ELMOD3: variants seen among roughly 807,000 people sequenced by gnomAD.
The protein encoded by ELMOD3 is ELMO domain-containing protein 3.
A neutral mutation model predicts 47.4 loss-of-function variants in ELMOD3; 36 were observed. That is an observed-to-expected ratio of 0.76 (90% CI 0.58 to 1.00). The LOEUF (loss-of-function observed/expected upper bound fraction) is 1.00. Among genes scored for constraint, ELMOD3 ranks in the 50% least tolerant of loss-of-function variants. The pLI, the probability that ELMOD3 is intolerant of heterozygous loss-of-function variation, is 0.00. For synonymous variants in ELMOD3, 149 were observed against 183.5 expected (o/e 0.81, Z 1.52); for missense variants, 404 against 463.8 (o/e 0.87, Z 1.18).
rs1347837140 is a variant in ELMOD3 at position 85,362,198 on chromosome 2, T to A, written c.67T>A (p.Ser23Thr). 43 of 1,597,878 alleles carry A rather than the reference T, an allele frequency of 2.7e-5. No individual in the cohort carries two copies. The highest frequency in any genetic ancestry group is 3.7e-5 in the Non-Finnish European group (43 of 1,165,266). The change falls in exon 5 of 14, where the codon TCT (serine) becomes ACT (threonine). Residue 23 changes from serine to threonine, a missense_variant. Transcript: ENST00000409013. ...GTCTGTTTTACAGGGTGAAAGATTGTCTGCTGGATATTCTCCATCATATGA... is the reference window on the plus strand; with the variant it reads ...GTCTGTTTTACAGGGTGAAAGATTGACTGCTGGATATTCTCCATCATATGA... ...ELRDGQGERLSAGYSPSYDKD... is the reference protein window; with the variant it reads ...ELRDGQGERLTAGYSPSYDKD...
At chr2:85,357,564 C>T (rs928060554) in intron 4 of ELMOD3, 16 of 213,104 alleles carry the variant, frequency 7.5e-5, no homozygotes, top group Admixed American at 1.7e-4. Context: ...CCCTGTGAAA[C>T]GCTTGCTTTG....
At chr2:85,358,287 A>AG (rs1328408376) in intron 4 of ELMOD3, among the ~76,000 whole-genome samples, 4 of 151,780 alleles carry the variant, frequency 2.6e-5, no homozygotes, top group Non-Finnish European at 5.9e-5. Flanking sequence ...TCCAAAAAAA[A>AG]AAAAAAAAAA....
At chr2:85,364,410 C>G (rs1684202619) in intron 6 of ELMOD3, among the ~76,000 whole-genome samples, 1 of 151,828 alleles carries the variant, frequency 6.6e-6, no homozygotes, top group African/African-American at 2.4e-5. Flanking sequence ...ATAGTTAAAC[C>G]CCGTCTCTAG....
chr2:85,359,660 C>T (rs1163907253), intron 4 of ELMOD3, among the ~76,000 whole-genome samples: 1 of 152,002 alleles, frequency 6.6e-6, no homozygotes, highest in East Asian at 1.9e-4. Flanking sequence ...GAACTCCAGA[C>T]CTCAGGTGAT....
chr2:85,359,174 T>C (rs1056891319), intron 4 of ELMOD3, among the ~76,000 whole-genome samples: 1 of 152,194 alleles, frequency 6.6e-6, no homozygotes, highest in Non-Finnish European at 1.5e-5. Flanking sequence ...ACTATAAATG[T>C]AAACATGTCG....
intron 11 of ELMOD3, among the ~76,000 whole-genome samples, chr2:85,388,465 G>A (rs1686089031): frequency 1.3e-5 from 2 of 152,180 alleles, no homozygotes; most frequent in South Asian, 4.1e-4. Flanking sequence ...CAAAGTTTAT[G>A]TCCTTTTTGA....
intron 7 of ELMOD3, among the ~76,000 whole-genome samples, chr2:85,369,418 T>C (rs916496691): frequency 2.6e-5 from 4 of 152,208 alleles, no homozygotes; most frequent in Non-Finnish European, 4.4e-5. Context: ...ACTGGTTGCA[T>C]GCTCTTATGT....
chr2:85,371,264 C>G, intron 9 of ELMOD3, 55 bp downstream of exon 9: 1 of 1,613,788 alleles, frequency 6.2e-7, no homozygotes, highest in East Asian at 2.2e-5. Context: ...TGGGCAAGAC[C>G]GTGTGTGCTG....
At chr2:85,373,378 T>A (rs1684939735) in intron 10 of ELMOD3, among the ~76,000 whole-genome samples, 1 of 152,222 alleles carries the variant, frequency 6.6e-6, no homozygotes, top group African/African-American at 2.4e-5. Flanking sequence ...CTTAAATGTA[T>A]CCTCTCTATA....
At chr2:85,364,411 C>T (rs951433893) in intron 6 of ELMOD3, among the ~76,000 whole-genome samples, 3 of 151,862 alleles carry the variant, frequency 2.0e-5, no homozygotes, top group East Asian at 3.9e-4. Context: ...TAGTTAAACC[C>T]CGTCTCTAGT....
At chr2:85,360,200 A>G (rs981148404) in intron 4 of ELMOD3, among the ~76,000 whole-genome samples, 1 of 137,134 alleles carries the variant, frequency 7.3e-6, no homozygotes, top group Admixed American at 7.6e-5. Context: ...TGGGAGGCAT[A>G]GGTTGAGGTG....
intron 7 of ELMOD3, 56 bp from the exon 8 acceptor site, chr2:85,369,683 T>C: frequency 6.3e-7 from 1 of 1,581,880 alleles, no homozygotes; most frequent in South Asian, 1.1e-5. Flanking sequence ...CCTCAGTAAA[T>C]GTTTGTTGAC....
chr2:85,365,384 T>A (rs188170392), intron 6 of ELMOD3, among the ~76,000 whole-genome samples: 19 of 151,078 alleles, frequency 1.3e-4, no homozygotes, highest in African/African-American at 4.1e-4. Context: ...TAAAAATAAA[T>A]GTAAAAGAGA....
At position 85,374,849 on chromosome 2, in the gene ELMOD3, T is replaced by TG. The variant is rs200614623; in HGVS notation, c.608-2495_608-2494insG. ...TTTGCTGGCCGGGCGCGGTGGCTCA[T>TG]CCTGTAATCCCAGCATTTTGGGAGG... On this transcript the variant is annotated intron_variant, in intron 10 of 13. Transcript: ENST00000409013. Among the ~76,000 whole-genome samples, 1,124 of 151,836 alleles carry TG rather than the reference T, an allele frequency of 7.4e-3. 15 individuals carry two copies. Among genetic ancestry groups the TG allele is most frequent in the East Asian group, 0.061 (312 of 5,110 alleles).
At chr2:85,370,112 A>G (rs139161413) in intron 8 of ELMOD3, among the ~76,000 whole-genome samples, 4 of 152,324 alleles carry the variant, frequency 2.6e-5, no homozygotes, top group Non-Finnish European at 4.4e-5. Flanking sequence ...AGTACTAGGT[A>G]GATCCTTGCA....
In ELMOD3 at chr2:85,391,002, G is replaced by A. The variant is rs560972123; in HGVS notation, c.*40G>A. Reference sequence around the variant, plus strand: ...GGAGGCTTAAAGGCTGAGCTGCAGGGGCTTTCAGGGGGTCAGTGGAGCCAT... The same window carrying A: ...GGAGGCTTAAAGGCTGAGCTGCAGGAGCTTTCAGGGGGTCAGTGGAGCCAT... On this transcript the variant is annotated 3_prime_UTR_variant, in exon 14 of 14. Coordinates refer to ENST00000409013, the MANE Select transcript of ELMOD3 (RefSeq NM_001135022.2). The A allele has an allele frequency of 9.4e-5, 144 of 1,527,814 alleles. No homozygotes were observed. The highest frequency in any genetic ancestry group is 1.2e-4 in the Non-Finnish European group (138 of 1,130,278). 94.6% of individuals were successfully genotyped at this position (1,527,814 alleles called of 1,614,324 possible).
At chr2:85,367,765 ATTG>A (rs1464696207) in intron 6 of ELMOD3, 1 of 152,222 alleles carries the variant, frequency 6.6e-6, no homozygotes, top group Admixed American at 6.5e-5. Context: ...AAGTCAAACA[ATTG>A]TTAAGTGGAA....
rs1440337080 is a variant in ELMOD3 at position 85,389,816 on chromosome 2, G to A, written c.804G>A (p.Glu268=). ...THIAIQALRE[E]CLSRECNRQQ... ...TTGCCATCCAGGCCTTGAGAGAGGA[G>A]TGTCTCTCCAGGTGAGTCCCCAAAC... The change falls in exon 12 of 14, where the codon GAG becomes GAA. Residue 268 remains glutamate (E), a synonymous_variant. Coordinates refer to ENST00000409013, the MANE Select transcript of ELMOD3 (RefSeq NM_001135022.2). 6.2e-7 allele frequency: 1 copy of A among 1,613,318 alleles called. No homozygotes were observed. Among genetic ancestry groups the A allele is most frequent in the East Asian group, 2.2e-5 (1 of 44,872 alleles).
chr2:85,370,146 A>G (rs1490279602), intron 8 of ELMOD3, among the ~76,000 whole-genome samples: 3 of 152,168 alleles, frequency 2.0e-5, no homozygotes, highest in Admixed American at 6.5e-5. Flanking sequence ...CTGTTCAGGG[A>G]GCTGAGTGAT....
Sources: gnomAD v4.1 joint callset for allele counts (sites outside exome capture counted in the v4.1 genomes callset) on GRCh38, gnomAD v4.1.1 for gene constraint, MANE v1.5 for transcripts, NCBI Gene and HGNC (gene_info 2026-07-23, HGNC 2026-07-21) for gene names.